ABTB3: variants seen among roughly 807,000 people sequenced by gnomAD.
The protein encoded by ABTB3 is ankyrin repeat and BTB domain containing 3.
chr12:107,472,539 A>C, the ABTB3 span, among the ~76,000 whole-genome samples: 1 of 152,214 alleles, frequency 6.6e-6, no homozygotes, highest in African/African-American at 2.4e-5. Context: ...TCTTCAGTTT[A>C]CATCTGTAAA....
chr12:107,384,902 G>C, the ABTB3 span, among the ~76,000 whole-genome samples: 2 of 152,160 alleles, frequency 1.3e-5, no homozygotes, highest in Non-Finnish European at 2.9e-5. Flanking sequence ...TGGAATCAGG[G>C]GTTATAACCA....
At chr12:107,400,546 C>CT in the ABTB3 span, among the ~76,000 whole-genome samples, 2 of 152,102 alleles carry the variant, frequency 1.3e-5, no homozygotes, top group African/African-American at 4.8e-5. Flanking sequence ...TGAATTTCGC[C>CT]TTTTCTAGCC....
At chr12:107,621,311 C>T in the ABTB3 span, among the ~76,000 whole-genome samples, 5 of 152,080 alleles carry the variant, frequency 3.3e-5, no homozygotes, top group East Asian at 3.9e-4. Flanking sequence ...TCGGTGAGTC[C>T]GTGAGGAGTA....
At chr12:107,612,726 G>T in the ABTB3 span, 2 of 1,496,490 alleles carry the variant, frequency 1.3e-6, no homozygotes, top group South Asian at 1.2e-5. Flanking sequence ...ATTGTCGATT[G>T]ACCACAGCCA....
the ABTB3 span, among the ~76,000 whole-genome samples, chr12:107,339,208 T>C: frequency 6.6e-6 from 1 of 152,190 alleles, no homozygotes; most frequent in Non-Finnish European, 1.5e-5. Context: ...TGGGCCTTTC[T>C]GGAGGAACCT....
chr12:107,583,331 A>C, the ABTB3 span, among the ~76,000 whole-genome samples: 7 of 152,196 alleles, frequency 4.6e-5, no homozygotes, highest in Non-Finnish European at 7.4e-5. Flanking sequence ...GAAGGCCTTT[A>C]ATACTTTCTC....
At chr12:107,319,243 C>T in the ABTB3 span, 1 of 1,563,966 alleles carries the variant, frequency 6.4e-7, no homozygotes, top group Non-Finnish European at 8.6e-7. Context: ...CCTGGACTCT[C>T]CAGGAGCTGG....
the ABTB3 span, among the ~76,000 whole-genome samples, chr12:107,378,253 T>C: frequency 6.6e-6 from 1 of 152,294 alleles, no homozygotes; most frequent in South Asian, 2.1e-4. Context: ...GTCACTTAAA[T>C]ATTGGGGGAT....
chr12:107,398,251 G>A, the ABTB3 span, among the ~76,000 whole-genome samples: 1 of 152,158 alleles, frequency 6.6e-6, no homozygotes, highest in Non-Finnish European at 1.5e-5. Flanking sequence ...CAGCATGCAC[G>A]TGAGGCCCAC....
At chr12:107,322,806 T>TA in the ABTB3 span, among the ~76,000 whole-genome samples, 18 of 151,460 alleles carry the variant, frequency 1.2e-4, no homozygotes, top group Non-Finnish European at 2.2e-4. Context: ...GTCCGTACTC[T>TA]TAACTCCTGT....
chr12:107,567,794 A>G, the ABTB3 span, among the ~76,000 whole-genome samples: 2 of 152,216 alleles, frequency 1.3e-5, no homozygotes, highest in East Asian at 3.8e-4. Flanking sequence ...ATGAGAATCT[A>G]ATGCCTGATG....
At chr12:107,399,707 A>G in the ABTB3 span, among the ~76,000 whole-genome samples, 13 of 152,208 alleles carry the variant, frequency 8.5e-5, no homozygotes, top group African/African-American at 2.7e-4. Flanking sequence ...TTCTGGCTAC[A>G]TGTGCAGAAT....
chr12:107,589,189 G>A, the ABTB3 span, among the ~76,000 whole-genome samples: 4 of 152,192 alleles, frequency 2.6e-5, no homozygotes, highest in Non-Finnish European at 5.9e-5. Flanking sequence ...TGAAATACTA[G>A]CTTATTTTCT....
chr12:107,374,765 G>T, the ABTB3 span: 1 of 155,350 alleles, frequency 6.4e-6, no homozygotes, highest in Non-Finnish European at 1.4e-5. Context: ...CAGCCTTTGA[G>T]GAAGCCTGTG....
the ABTB3 span, among the ~76,000 whole-genome samples, chr12:107,380,652 G>A: frequency 6.6e-6 from 1 of 152,180 alleles, no homozygotes; most frequent in African/African-American, 2.4e-5. Context: ...CCTGCTGAGT[G>A]TAATTAGCAA....
the ABTB3 span, among the ~76,000 whole-genome samples, chr12:107,470,018 C>CTCTCTCTCTCTCTCTCTTTCTTTCTT: frequency 3.5e-5 from 4 of 115,562 alleles, no homozygotes; most frequent in Non-Finnish European, 7.4e-5. Flanking sequence ...CTTTCTCTCT[C>CTCTCTCTCTCTCTCTCTTTCTTTCTT]TCTCTCTCTC....
the ABTB3 span, among the ~76,000 whole-genome samples, chr12:107,445,438 A>G: frequency 6.6e-6 from 1 of 152,348 alleles, no homozygotes; most frequent in East Asian, 1.9e-4. Context: ...ATTAGCATTT[A>G]TTCACTGGTT....
the ABTB3 span, among the ~76,000 whole-genome samples, chr12:107,647,809 T>C: frequency 6.6e-6 from 1 of 152,154 alleles, no homozygotes; most frequent in African/African-American, 2.4e-5. Context: ...ACTTCACAGA[T>C]ACGAAACTGA....
chr12:107,331,413 G>C, the ABTB3 span, among the ~76,000 whole-genome samples: 1 of 152,182 alleles, frequency 6.6e-6, no homozygotes, highest in Non-Finnish European at 1.5e-5. Context: ...GAGGTTCACG[G>C]GGACAGGAGT....
Sources: gnomAD v4.1 joint callset for allele counts (sites outside exome capture counted in the v4.1 genomes callset) on GRCh38, gnomAD v4.1.1 for gene constraint, MANE v1.5 for transcripts, NCBI Gene and HGNC (gene_info 2026-07-23, HGNC 2026-07-21) for gene names.